PIK3R4: variants seen among roughly 807,000 people sequenced by gnomAD.
PIK3R4 encodes the protein phosphoinositide 3-kinase regulatory subunit 4.
Under a neutral mutation model 136.5 loss-of-function variants are expected in PIK3R4, and 46 were observed. That is an observed-to-expected ratio of 0.34 (90% confidence interval 0.27 to 0.43). The LOEUF (loss-of-function observed/expected upper bound fraction) is 0.43, where lower values mean the gene tolerates loss of function less well. Among genes scored for constraint, PIK3R4 ranks in the 20% least tolerant of loss-of-function variants. The pLI, the probability that PIK3R4 is intolerant of heterozygous loss-of-function variation, is 1.00. For missense variants in PIK3R4, 1,331 were observed against 1,649.5 expected (o/e 0.81, Z 3.35); for synonymous variants, 557 against 566.7 (o/e 0.98, Z 0.24).
chr3:130,708,045 G>C (rs1054752233), intron 10 of PIK3R4, among the ~76,000 whole-genome samples: 1 of 152,122 alleles, frequency 6.6e-6, no homozygotes, highest in Non-Finnish European at 1.5e-5. Flanking sequence ...TAAAAGTAGA[G>C]CTTTGGAATC....
chr3:130,728,746 T>A, intron 5 of PIK3R4, 62 bp from the exon 6 acceptor site: 2 of 1,151,746 alleles, frequency 1.7e-6, no homozygotes, highest in Non-Finnish European at 2.4e-6. Context: ...AAAAGATCAA[T>A]TTTTCCCCAT....
chr3:130,699,428 C>T (rs1033171038), intron 13 of PIK3R4, among the ~76,000 whole-genome samples: 3 of 152,180 alleles, frequency 2.0e-5, no homozygotes, highest in African/African-American at 7.2e-5. Context: ...GACCCCTCCA[C>T]TGTCTACTAA....
chr3:130,742,163 C>T (rs558588180), intron 2 of PIK3R4, among the ~76,000 whole-genome samples: 5 of 152,152 alleles, frequency 3.3e-5, no homozygotes, highest in Non-Finnish European at 5.9e-5. Flanking sequence ...CACTCAAAAC[C>T]CAAACATTCA....
chr3:130,680,431 C>T lies in PIK3R4; in HGVS notation c.3906+182G>A, dbSNP rs1181183949. The T allele has an allele frequency of 9.1e-6, 4 of 438,582 alleles. No individual in the cohort carries two copies. In the Admixed American group the frequency reaches 1.6e-4, roughly 17 times the overall value. The allele number at this position is 438,582 out of a possible 1,614,324, so 27.2% of individuals were successfully genotyped here. A position where few individuals can be genotyped will look rare whatever the true frequency, so the allele number is the denominator to read the frequency against. On this transcript the variant is annotated intron_variant, in intron 19 of 19. Transcript: ENST00000356763. ...TTGAGCTATTACTTATATGCACTTT[C>T]TTTATGCTTATTTTACCTTAATAAA... is the stretch of plus-strand genomic sequence containing the variant.
intron 6 of PIK3R4, among the ~76,000 whole-genome samples, chr3:130,727,540 T>TTC (rs1553729920): frequency 6.6e-6 from 1 of 151,996 alleles, no homozygotes; most frequent in Admixed American, 6.6e-5. Context: ...TCTTACAGCT[T>TTC]CTGCTGCCTC....
At position 130,709,720 on chromosome 3, in the gene PIK3R4, C is replaced by G. The variant is rs117638053; in HGVS notation, c.2332-1228G>C. Among the ~76,000 whole-genome samples, 1,285 of 152,162 alleles carry G rather than the reference C, an allele frequency of 8.4e-3. 19 individuals carry two copies. Among genetic ancestry groups the G allele is most frequent in the East Asian group, 0.052 (272 of 5,182 alleles). ...AATAGTAATGAAATACTGATACATG[C>G]TACAACATAGGGGGACCTTAAAAAC... On this transcript the variant is annotated intron_variant, in intron 9 of 19. Transcript: ENST00000356763.
intron 4 of PIK3R4, among the ~76,000 whole-genome samples, chr3:130,731,037 A>ATTT (rs1365898844): frequency 6.6e-6 from 1 of 152,224 alleles, no homozygotes; most frequent in East Asian, 1.9e-4. Flanking sequence ...ACAGTTGTCT[A>ATTT]TATCTTCTCC....
At chr3:130,726,870 T>C (rs2066734833) in intron 6 of PIK3R4, among the ~76,000 whole-genome samples, 1 of 152,202 alleles carries the variant, frequency 6.6e-6, no homozygotes, top group East Asian at 1.9e-4. Flanking sequence ...TAACATTATT[T>C]GGAAGAAGAA....
chr3:130,686,472 A>C (rs746495882), intron 14 of PIK3R4, 50 bp from the exon 15 acceptor site: 5 of 1,072,452 alleles, frequency 4.7e-6, no homozygotes, highest in Non-Finnish European at 7.3e-6. Context: ...AAAACATAGC[A>C]CTAGTCTCCC....
At chr3:130,709,613 T>C (rs1305758076) in intron 9 of PIK3R4, among the ~76,000 whole-genome samples, 2 of 152,182 alleles carry the variant, frequency 1.3e-5, no homozygotes, top group Non-Finnish European at 2.9e-5. Flanking sequence ...AGACAATAGC[T>C]ACCTTATAGC....
intron 9 of PIK3R4, among the ~76,000 whole-genome samples, chr3:130,713,681 G>GT (rs2066644500): frequency 1.3e-5 from 2 of 152,058 alleles, no homozygotes; most frequent in African/African-American, 4.8e-5. Context: ...GGTTTGTTTT[G>GT]TTTTTTCTTG....
At chr3:130,738,712 A>C (rs951490049) in intron 2 of PIK3R4, among the ~76,000 whole-genome samples, 2 of 151,672 alleles carry the variant, frequency 1.3e-5, no homozygotes, top group African/African-American at 4.8e-5. Flanking sequence ...AAAGATGAGG[A>C]CTGTCACAAG....
At chr3:130,721,525 T>C in intron 7 of PIK3R4, among the ~76,000 whole-genome samples, 1 of 152,048 alleles carries the variant, frequency 6.6e-6, no homozygotes, top group South Asian at 2.1e-4. Context: ...ATAAAAAAAA[T>C]GGTGTATATA....
At position 130,686,195 on chromosome 3, in the gene PIK3R4, T is replaced by G; in HGVS notation, c.3475+16A>C. ...TGGCATTCAAAACCCAGCCAATGAC[T>G]TGAAAGTTAGCTTACCAATGCAGAG... is the stretch of plus-strand genomic sequence containing the variant. On this transcript the variant is annotated intron_variant, in intron 15 of 19. Transcript: ENST00000356763. 1.3e-6 allele frequency: 2 copies of G among 1,570,808 alleles called. No individual in the cohort carries two copies. Among genetic ancestry groups the G allele is most frequent in the Non-Finnish European group, 1.8e-6 (2 of 1,141,108 alleles).
intron 12 of PIK3R4, among the ~76,000 whole-genome samples, chr3:130,704,281 C>T (rs2066595220): frequency 6.6e-6 from 1 of 152,170 alleles, no homozygotes; most frequent in Non-Finnish European, 1.5e-5. Context: ...ACACCACTTA[C>T]AAAGACAGAT....
In PIK3R4 at chr3:130,692,495, A is replaced by C. The variant is rs1163361614; in HGVS notation, c.3099-1841T>G. 2.6e-5 allele frequency among the ~76,000 whole-genome samples: 4 copies of C among 152,218 alleles called. No homozygotes were observed. In the East Asian group the frequency reaches 7.7e-4, roughly 29 times the overall value. On this transcript the variant is annotated intron_variant, in intron 13 of 19. Coordinates refer to ENST00000356763, the MANE Select transcript of PIK3R4 (RefSeq NM_014602.3). ...TTTTATATCAAGCTTCTTTCACATA[A>C]CATAATGTCAAAGTTTATGGTGTGG...
intron 6 of PIK3R4, among the ~76,000 whole-genome samples, chr3:130,725,376 A>G (rs988005527): frequency 3.9e-5 from 6 of 151,972 alleles, no homozygotes; most frequent in African/African-American, 1.4e-4. Flanking sequence ...AAAAAACAAA[A>G]AAAATGCTTA....
At chr3:130,684,206 C>A (rs1186755624) in intron 16 of PIK3R4, 44 bp downstream of exon 16, 2 of 1,578,570 alleles carry the variant, frequency 1.3e-6, no homozygotes, top group African/African-American at 2.7e-5. Context: ...TATGTACTTT[C>A]CAAGAAAATC....
chr3:130,697,292 C>T (rs1241546796), intron 13 of PIK3R4, among the ~76,000 whole-genome samples: 2 of 151,964 alleles, frequency 1.3e-5, no homozygotes, highest in Non-Finnish European at 2.9e-5. Flanking sequence ...AGGCTAGTCT[C>T]GAACTCCTGA....
Sources: gnomAD v4.1 joint callset for allele counts (sites outside exome capture counted in the v4.1 genomes callset) on GRCh38, gnomAD v4.1.1 for gene constraint, MANE v1.5 for transcripts, NCBI Gene and HGNC (gene_info 2026-07-23, HGNC 2026-07-21) for gene names.